PDCL: variants seen among roughly 807,000 people sequenced by gnomAD.
The protein encoded by PDCL is phosducin-like protein.
A neutral mutation model predicts 26.7 loss-of-function variants in PDCL; 11 were observed. The observed-to-expected ratio is 0.41, with a 90% CI of 0.26 to 0.68. The LOEUF is 0.68. Ranked by LOEUF, PDCL falls within the 30% of genes least tolerant of loss-of-function variation. The pLI is 0.30. For synonymous variants in PDCL, 118 were observed against 134.9 expected, an observed-to-expected ratio of 0.87 and a Z score of 0.87; for missense variants, 330 against 371.6, an observed-to-expected ratio of 0.89 and a Z score of 0.92.
At position 122,820,322 on chromosome 9, in the gene PDCL, G is replaced by A. The variant is rs202098297; in HGVS notation, c.669C>T (p.Gly223=). Residue 223 remains glycine (G), a synonymous_variant, in exon 4 of 4, where the codon GGC becomes GGT. Transcript: ENST00000259467. ...CATTCCTGGTGAACTGACTGCTGGC[G>A]CCAATAACTGAGCTCTTCACCTTGC... ...KFCKVKSSVI[G]ASSQFTRNAL... 6.3e-5 allele frequency: 101 copies of A among 1,614,122 alleles called. No homozygotes were observed. Among genetic ancestry groups the A allele is most frequent in the Admixed American group, 1.5e-4 (9 of 60,016 alleles).
At chr9:122,825,361 T>C (rs1829610886) in intron 2 of PDCL, among the ~76,000 whole-genome samples, 2 of 152,012 alleles carry the variant, frequency 1.3e-5, no homozygotes, top group South Asian at 4.1e-4. Context: ...GGGATTTCAC[T>C]GTGTTGCCCA....
Position 122,823,124 on chromosome 9 carries a change from C to T in PDCL, c.246G>A (p.Arg82=), listed in dbSNP as rs199605163. The change falls in exon 3 of 4, where the codon CGG becomes CGA. Residue 82 remains arginine (R), a synonymous_variant. Transcript: ENST00000259467. ...GCTTCTTGATCAGCCTTTCCATCTC[C>T]CGGCACTGCTCCTCCCTCTGCTCTG... ...LETEQREEQC[R]EMERLIKKLS... The T allele has an allele frequency of 4.6e-5, 74 of 1,614,006 alleles. No individual in the cohort carries two copies. Among genetic ancestry groups the T allele is most frequent in the Non-Finnish European group, 5.8e-5 (69 of 1,180,032 alleles).
At position 122,823,010 on chromosome 9, in the gene PDCL, A is replaced by C; in HGVS notation, c.354+6T>G. ...CTCTAAGAAAAGCCTGAGTACTGCTAATTACCTTCCCACTGATCTTCTCCT... is the reference window on the plus strand; with the variant it reads ...CTCTAAGAAAAGCCTGAGTACTGCTCATTACCTTCCCACTGATCTTCTCCT... On this transcript the variant is annotated splice_donor_region_variant and intron_variant, in intron 3 of 3. Transcript: ENST00000259467. 2 of 1,613,248 alleles carry C rather than the reference A, an allele frequency of 1.2e-6. No individual in the cohort carries two copies. The highest frequency in any genetic ancestry group is 1.7e-6 in the Non-Finnish European group (2 of 1,179,170).
At chr9:122,822,202 G>A (rs987830123) in intron 3 of PDCL, among the ~76,000 whole-genome samples, 7 of 152,022 alleles carry the variant, frequency 4.6e-5, no homozygotes, top group Admixed American at 3.9e-4. Context: ...ACAGACATTC[G>A]TCCACACTCA....
chr9:122,823,989 C>T (rs1390104679), intron 2 of PDCL, among the ~76,000 whole-genome samples: 2 of 152,100 alleles, frequency 1.3e-5, no homozygotes, highest in Non-Finnish European at 2.9e-5. Context: ...AGGATGGTCT[C>T]CAACTCCTGA....
chr9:122,828,166 G>A (rs1296727189), intron 1 of PDCL, among the ~76,000 whole-genome samples: 2 of 152,126 alleles, frequency 1.3e-5, no homozygotes. Flanking sequence ...GGAGGGGAGG[G>A]AAGGAGTTGC....
In PDCL at chr9:122,828,528, G is replaced by A. The variant is rs1829660578; in HGVS notation, c.-63C>T. On this transcript the variant is annotated 5_prime_UTR_variant, in exon 1 of 4. Transcript: ENST00000259467. ...AGCAGCTCCGGGCGCCGGAAGGAAT[G>A]GAGCACTTTCTTAAGAGGAAGAGCA... 6.6e-6 allele frequency: 1 copy of A among 152,304 alleles called. No homozygotes were observed. The highest frequency in any genetic ancestry group is 2.1e-4 in the South Asian group (1 of 4,836). The allele number at this position is 152,304 out of a possible 1,614,324, so 9.4% of individuals were successfully genotyped here.
rs1314925867 is a variant in PDCL, at chr9:122,819,959, TA to T, written c.*125del. ...TTCTGATTTAATCTAAGAATTTCTT[TA>T]TTTTATGCATAATAAAAGGGACTAC... is the stretch of plus-strand genomic sequence containing the variant. On this transcript the variant is annotated 3_prime_UTR_variant, in exon 4 of 4. Coordinates refer to ENST00000259467, the MANE Select transcript of PDCL (RefSeq NM_005388.5). The T allele has an allele frequency of 1.4e-6, 1 of 697,486 alleles. No homozygotes were observed. Among genetic ancestry groups the T allele is most frequent in the Non-Finnish European group, 2.3e-6 (1 of 432,002 alleles). The allele number at this position is 697,486 out of a possible 1,614,324, so 43.2% of individuals were successfully genotyped here.
In PDCL at chr9:122,820,339, TC is replaced by T; in HGVS notation, c.651del (p.Lys218ArgfsTer20). ...AEYPAVKFCK[V>X]KSSVIGASSQ... is the part of the protein sequence containing the mutation. The stretch of plus-strand genomic sequence containing the variant: ...CTGCTGGCGCCAATAACTGAGCTCT[TC>T]ACCTTGCAGAACTTGACAGCTGGGT... On this transcript the variant is annotated frameshift_variant, in exon 4 of 4. Transcript: ENST00000259467. LOFTEE classifies it high-confidence loss of function. 1 of 1,614,178 alleles carries T rather than the reference TC, an allele frequency of 6.2e-7. No homozygotes were observed. The highest frequency in any genetic ancestry group is 8.5e-7 in the Non-Finnish European group (1 of 1,180,038).
At chr9:122,821,360 C>T (rs1829552303) in intron 3 of PDCL, among the ~76,000 whole-genome samples, 1 of 151,926 alleles carries the variant, frequency 6.6e-6, no homozygotes, top group South Asian at 2.1e-4. Flanking sequence ...GATAACAAGA[C>T]ATTACAGAAT....
chr9:122,827,472 G>C (rs1829642804), intron 1 of PDCL, among the ~76,000 whole-genome samples: 1 of 152,172 alleles, frequency 6.6e-6, no homozygotes, highest in African/African-American at 2.4e-5. Context: ...CCAGCACTTA[G>C]GGAGGCCGAG....
chr9:122,820,618 C>A lies in PDCL; in HGVS notation c.373G>T (p.Ala125Ser). The A allele has an allele frequency of 1.2e-6, 2 of 1,609,908 alleles. No individual in the cohort carries two copies. The highest frequency in any genetic ancestry group is 3.4e-5 in the Admixed American group (2 of 59,434). ...TCATCTTGGTCCTCATTCATTATGG[C>A]AAACTCCTTCAGAGTCATCTGCAGG... Reference protein sequence around the residue: ...ISGKMTLKEFAIMNEDQDDEE... With the variant: ...ISGKMTLKEFSIMNEDQDDEE... The change falls in exon 4 of 4, where the codon GCC (alanine) becomes TCC (serine). Residue 125 changes from alanine (A) to serine (S), a missense_variant. Transcript: ENST00000259467.
At chr9:122,824,340 G>T (rs544843933) in intron 2 of PDCL, among the ~76,000 whole-genome samples, 1 of 152,296 alleles carries the variant, frequency 6.6e-6, no homozygotes, top group South Asian at 2.1e-4. Flanking sequence ...AGTATGCCGT[G>T]TATGAGCCAT....
chr9:122,828,247 G>A (rs1452356726), intron 1 of PDCL, among the ~76,000 whole-genome samples: 1 of 152,142 alleles, frequency 6.6e-6, no homozygotes, highest in African/African-American at 2.4e-5. Flanking sequence ...CAGAGGAGGC[G>A]GGGCCCCCGG....
intron 2 of PDCL, among the ~76,000 whole-genome samples, chr9:122,825,924 G>A (rs1829618841): frequency 1.3e-5 from 2 of 152,118 alleles, no homozygotes; most frequent in Admixed American, 6.6e-5. Context: ...AGCTGGGCAC[G>A]GTGGCAAGCG....
In PDCL at chr9:122,818,507, ACTTC is replaced by A. The variant is rs1829513152; in HGVS notation, c.*1574_*1577del. 1 of 151,832 alleles carries A rather than the reference ACTTC, an allele frequency of 6.6e-6. No individual in the cohort carries two copies. The highest frequency in any genetic ancestry group is 2.4e-5 in the African/African-American group (1 of 41,340). The allele number at this position is 151,832 out of a possible 1,614,324, so 9.4% of individuals were successfully genotyped here. A position where few individuals can be genotyped will look rare whatever the true frequency, so the allele number is the denominator to read the frequency against. On this transcript the variant is annotated 3_prime_UTR_variant, in exon 4 of 4. Coordinates refer to ENST00000259467, the MANE Select transcript of PDCL (RefSeq NM_005388.5). ...AAAGGAAATAAGCTAGACTAACAAT[ACTTC>A]CCTGCTTCTAATAATTTTCAATACA...
Position 122,820,483 on chromosome 9 carries a change from A to C in PDCL, c.508T>G (p.Phe170Val), listed in dbSNP as rs1588034494. 3 of 1,613,776 alleles carry C rather than the reference A, an allele frequency of 1.9e-6. No homozygotes were observed. The highest frequency in any genetic ancestry group is 2.5e-6 in the Non-Finnish European group (3 of 1,179,964). Reference sequence around the variant, plus strand: ...TGTTCTTTATCAATCATGTCTAAAAACCCTTCTCCACTGGAGATCTCAAAA... The same window carrying C: ...TGTTCTTTATCAATCATGTCTAAAACCCCTTCTCCACTGGAGATCTCAAAA... ...QVFEISSGEGFLDMIDKEQKS... is the reference protein window; with the variant it reads ...QVFEISSGEGVLDMIDKEQKS... Residue 170 changes from phenylalanine (F) to valine (V), a missense_variant, in exon 4 of 4, where the codon TTT becomes GTT. Physicochemically the swap from Phe to Val is conservative, Grantham distance 50. Transcript: ENST00000259467.
chr9:122,820,608 T>C lies in PDCL; in HGVS notation c.383A>G (p.Asn128Ser), dbSNP rs1829540977. Residue 128 changes from asparagine (N) to serine (S), a missense_variant, in exon 4 of 4, where the codon AAT becomes AGT. By Grantham distance (46) the Asn-to-Ser change is conservative (BLOSUM62 1). Coordinates refer to ENST00000259467, the MANE Select transcript of PDCL (RefSeq NM_005388.5). ...AAACTCTTCATCATCTTGGTCCTCA[T>C]TCATTATGGCAAACTCCTTCAGAGT... is the stretch of plus-strand genomic sequence containing the variant. ...KMTLKEFAIM[N>S]EDQDDEEFLQ... 2 of 1,612,180 alleles carry C rather than the reference T, an allele frequency of 1.2e-6. No individual in the cohort carries two copies. Among genetic ancestry groups the C allele is most frequent in the Non-Finnish European group, 1.7e-6 (2 of 1,179,310 alleles).
chr9:122,826,072 AC>A (rs571486489), intron 2 of PDCL, among the ~76,000 whole-genome samples: 136 of 152,352 alleles, frequency 8.9e-4, no homozygotes, highest in African/African-American at 3.1e-3. Context: ...AGCCTGAGCA[AC>A]AAGGTGAGAA....
Sources: gnomAD v4.1 joint callset for allele counts (sites outside exome capture counted in the v4.1 genomes callset) on GRCh38, gnomAD v4.1.1 for gene constraint, MANE v1.5 for transcripts, NCBI Gene and HGNC (gene_info 2026-07-23, HGNC 2026-07-21) for gene names.